Variants in DNAI4 observed in about 807,000 individuals in gnomAD.
DNAI4 encodes the protein WD repeat domain 78.
Under a neutral mutation model 105.8 loss-of-function variants are expected in DNAI4, and 85 were observed. The observed-to-expected ratio is 0.80, with a 90% CI of 0.67 to 0.96. The LOEUF (loss-of-function observed/expected upper bound fraction) is 0.96. Among genes scored for constraint, DNAI4 ranks in the 40% least tolerant of loss-of-function variants. DNAI4 has a pLI of 0.00. For synonymous variants in DNAI4, 352 were observed against 331.5 expected (o/e 1.06, Z -0.67); for missense variants, 1,014 against 1,005.6 (o/e 1.01, Z -0.11).
At chr1:66,874,586 A>T (rs1345603910) in intron 5 of DNAI4, among the ~76,000 whole-genome samples, 195 bp downstream of exon 5, 1 of 152,188 alleles carries the variant, frequency 6.6e-6, no homozygotes, top group Admixed American at 6.5e-5. Flanking sequence ...TACACACAAC[A>T]TAAACATGAA....
intron 1 of DNAI4, among the ~76,000 whole-genome samples, chr1:66,914,630 C>T (rs565003908): frequency 1.3e-5 from 2 of 151,680 alleles, no homozygotes; most frequent in Non-Finnish European, 2.9e-5. Context: ...CTTTAACATG[C>T]ACATTTAAGG....
chr1:66,847,563 T>C lies in DNAI4; in HGVS notation c.1212A>G (p.Leu404=), dbSNP rs1646304220. ...CCATCAGAACCCGTTCCATAAAAAA[T>C]AAGTCCTGATGAAATTTGTCAGATT... ...ILKSDKFHQD[L]FFMERVLMEN... is the part of the protein sequence containing the mutation. The change falls in exon 8 of 17, where the codon TTA becomes TTG. Residue 404 remains leucine, a synonymous_variant. Transcript: ENST00000371026. The C allele has an allele frequency of 6.2e-7, 1 of 1,614,010 alleles. No homozygotes were observed. The highest frequency in any genetic ancestry group is 8.5e-7 in the Non-Finnish European group (1 of 1,179,966).
chr1:66,892,924 GAGAAAGAGA>G lies in DNAI4; in HGVS notation c.530+296_530+304del, dbSNP rs1180511255. On this transcript the variant is annotated intron_variant, in intron 3 of 16. Coordinates refer to ENST00000371026, the MANE Select transcript of DNAI4 (RefSeq NM_024763.5). ...ACTTGTCTCAAAAAAGAAAGAAAGA[GAGAAAGAGA>G]AGAAAGAGAAGAAAGAGAAGAAAGA... Among the ~76,000 whole-genome samples the G allele has an allele frequency of 2.7e-3, 264 of 96,550 alleles. 8 individuals are homozygous for G. Among genetic ancestry groups the G allele is most frequent in the Middle Eastern group, 0.012 (2 of 168 alleles). The allele number at this position is 96,550 out of a possible 152,430, so 63.3% of individuals were successfully genotyped here. A position where few individuals can be genotyped will look rare whatever the true frequency, so the allele number is the denominator to read the frequency against.
intron 1 of DNAI4, among the ~76,000 whole-genome samples, chr1:66,916,201 T>C (rs906923280): frequency 2.0e-5 from 3 of 151,972 alleles, no homozygotes; most frequent in African/African-American, 7.3e-5. Flanking sequence ...ATATCATGAA[T>C]AATCAGTGTA....
chr1:66,848,465 G>A (rs1021255163), intron 7 of DNAI4, among the ~76,000 whole-genome samples: 1 of 152,188 alleles, frequency 6.6e-6, no homozygotes, highest in Non-Finnish European at 1.5e-5. Context: ...AGGTTCCAGG[G>A]ATTGGGGTGT....
chr1:66,878,605 C>T (rs1054628642), intron 4 of DNAI4, among the ~76,000 whole-genome samples: 1 of 152,152 alleles, frequency 6.6e-6, no homozygotes, highest in African/African-American at 2.4e-5. Context: ...CATATCTATA[C>T]ATCTATGTTC....
intron 1 of DNAI4, among the ~76,000 whole-genome samples, chr1:66,918,083 G>C (rs1272694266): frequency 2.0e-5 from 3 of 152,150 alleles, no homozygotes; most frequent in Non-Finnish European, 2.9e-5. Flanking sequence ...CCATGGCTGG[G>C]CTTGGCTTTA....
chr1:66,821,056 T>C (rs1264268358), intron 16 of DNAI4, among the ~76,000 whole-genome samples: 1 of 151,380 alleles, frequency 6.6e-6, no homozygotes, highest in Non-Finnish European at 1.5e-5. Context: ...GTGGAATTAC[T>C]AGTTAAAAGG....
intron 1 of DNAI4, among the ~76,000 whole-genome samples, chr1:66,917,440 C>T (rs925024001): frequency 7.2e-5 from 11 of 152,054 alleles, no homozygotes; most frequent in Non-Finnish European, 7.4e-5. Flanking sequence ...GATAACTTTG[C>T]AGATTGTGAC....
At position 66,833,669 on chromosome 1, in the gene DNAI4, G is replaced by A; in HGVS notation, c.1929C>T (p.Asn643=). The A allele has an allele frequency of 6.2e-7, 1 of 1,612,694 alleles. No homozygotes were observed. The highest frequency in any genetic ancestry group is 1.1e-5 in the South Asian group (1 of 91,016). ...TCTTTTCCTTTTCCCCTCCTTTTTT[G>A]TTACTGGCAGCTGTAGTTCTCTTTA... ...MRLKRTTAAS[N]KKGGEKEKKD... The change falls in exon 13 of 17, where the codon AAC becomes AAT. Residue 643 remains asparagine (N), a synonymous_variant. Coordinates refer to ENST00000371026, the MANE Select transcript of DNAI4 (RefSeq NM_024763.5).
At chr1:66,822,883 T>A (rs1426015761) in intron 15 of DNAI4, among the ~76,000 whole-genome samples, 2 of 129,892 alleles carry the variant, frequency 1.5e-5, no homozygotes, top group Non-Finnish European at 3.5e-5. Flanking sequence ...TTTAATTCAC[T>A]AGAATTTGTT....
intron 16 of DNAI4, among the ~76,000 whole-genome samples, chr1:66,819,193 A>G (rs1480906920): frequency 6.6e-6 from 1 of 152,182 alleles, no homozygotes; most frequent in African/African-American, 2.4e-5. Flanking sequence ...AGATGACATG[A>G]GCCTTTCCAA....
chr1:66,905,525 T>G, intron 1 of DNAI4, 150 bp from the exon 2 acceptor site: 1 of 491,560 alleles, frequency 2.0e-6, no homozygotes, highest in Non-Finnish European at 3.3e-6. Flanking sequence ...TCTTATTATG[T>G]ATAAACATAG....
intron 7 of DNAI4, among the ~76,000 whole-genome samples, chr1:66,860,224 G>T (rs1054647356): frequency 1.3e-5 from 2 of 151,888 alleles, no homozygotes; most frequent in Non-Finnish European, 2.9e-5. Context: ...ACTGAGATAT[G>T]GTCTTCATTC....
chr1:66,820,248 CA>C (rs58001932), intron 16 of DNAI4, among the ~76,000 whole-genome samples: 69,588 of 150,216 alleles, frequency 0.46, 16,562 homozygotes, highest in South Asian at 0.6. Flanking sequence ...ATGCATTTTG[CA>C]AAAAAAAATA....
chr1:66,835,548 C>T (rs1358069617), intron 11 of DNAI4, 78 bp downstream of exon 11: 43 of 1,443,646 alleles, frequency 3.0e-5, no homozygotes, highest in Non-Finnish European at 4.1e-5. Context: ...AAAATATTTA[C>T]TCAAAACTAA....
At chr1:66,852,192 C>T (rs1439317760) in intron 7 of DNAI4, among the ~76,000 whole-genome samples, 2 of 151,484 alleles carry the variant, frequency 1.3e-5, no homozygotes, top group South Asian at 2.1e-4. Flanking sequence ...TTATATTATG[C>T]TATTAATAAT....
chr1:66,899,957 T>C (rs1396099549), intron 2 of DNAI4, among the ~76,000 whole-genome samples: 1 of 152,270 alleles, frequency 6.6e-6, no homozygotes, highest in Admixed American at 6.5e-5. Flanking sequence ...TTTTGATTAC[T>C]ATTGCTTTGT....
At chr1:66,818,886 C>T (rs1177777000) in intron 16 of DNAI4, among the ~76,000 whole-genome samples, 1 of 152,080 alleles carries the variant, frequency 6.6e-6, no homozygotes, top group Non-Finnish European at 1.5e-5. Context: ...GCATTCCAGC[C>T]TGGGCGACAA....
Sources: allele counts gnomAD v4.1 joint callset (sites outside exome capture counted in the v4.1 genomes callset), GRCh38; gene constraint gnomAD v4.1.1; transcripts MANE v1.5; gene names NCBI Gene and HGNC (gene_info 2026-07-23, HGNC 2026-07-21).